LHFPL6: variants seen among roughly 807,000 people sequenced by gnomAD.
The protein encoded by LHFPL6 is LHFPL tetraspan subfamily member 6 protein.
Under a neutral mutation model 20.6 loss-of-function variants are expected in LHFPL6, and 9 were observed. The observed-to-expected ratio is 0.44, with a 90% CI of 0.26 to 0.76. LHFPL6 has a LOEUF of 0.76. LHFPL6 is among the 30% of genes least tolerant of loss of function. LHFPL6 has a pLI of 0.20. For synonymous variants in LHFPL6, 105 were observed against 98.7 expected (o/e 1.06, Z -0.38); for missense variants, 218 against 253.5 (o/e 0.86, Z 0.95).
intron 2 of LHFPL6, among the ~76,000 whole-genome samples, chr13:39,467,918 A>AC (rs1249010699): frequency 6.6e-6 from 1 of 152,000 alleles, no homozygotes; most frequent in East Asian, 1.9e-4. Flanking sequence ...CTTTCCCGTG[A>AC]TTTTTCCCCT....
intron 2 of LHFPL6, among the ~76,000 whole-genome samples, chr13:39,586,982 C>G (rs1466123038): frequency 6.6e-6 from 1 of 152,096 alleles, no homozygotes; most frequent in Non-Finnish European, 1.5e-5. Flanking sequence ...CATAGTGAAA[C>G]CCTGTCTCTC....
chr13:39,446,543 A>AT (rs1872295207), intron 2 of LHFPL6, among the ~76,000 whole-genome samples: 1 of 152,078 alleles, frequency 6.6e-6, no homozygotes, highest in African/African-American at 2.4e-5. Flanking sequence ...GAACTGGGCC[A>AT]GGGTAAACAA....
At chr13:39,444,608 T>G (rs1315491886) in intron 2 of LHFPL6, among the ~76,000 whole-genome samples, 1 of 152,130 alleles carries the variant, frequency 6.6e-6, no homozygotes, top group Admixed American at 6.5e-5. Context: ...TGGCCATGGT[T>G]CAAGTGAGCT....
At chr13:39,485,558 A>G (rs1457490910) in intron 2 of LHFPL6, among the ~76,000 whole-genome samples, 3 of 152,310 alleles carry the variant, frequency 2.0e-5, no homozygotes, top group Admixed American at 2.0e-4. Flanking sequence ...AGACTAGAGA[A>G]GAAAACAGAG....
chr13:39,430,282 G>T (rs1003939584), intron 2 of LHFPL6, among the ~76,000 whole-genome samples: 4 of 152,188 alleles, frequency 2.6e-5, no homozygotes, highest in African/African-American at 7.2e-5. Flanking sequence ...CTCACTCAAG[G>T]TCACAAGCTT....
chr13:39,504,490 G>C (rs1292256810), intron 2 of LHFPL6, among the ~76,000 whole-genome samples: 1 of 152,154 alleles, frequency 6.6e-6, no homozygotes, highest in Non-Finnish European at 1.5e-5. Flanking sequence ...CACAGTTCTG[G>C]AGGCTGGAAG....
At chr13:39,345,214 T>C (rs146026589) in intron 3 of LHFPL6, among the ~76,000 whole-genome samples, 1 of 152,248 alleles carries the variant, frequency 6.6e-6, no homozygotes, top group East Asian at 1.9e-4. Context: ...ATAAAGGCCA[T>C]AGATTGAAAA....
intron 2 of LHFPL6, among the ~76,000 whole-genome samples, chr13:39,503,598 T>C (rs1869369892): frequency 6.6e-6 from 1 of 152,240 alleles, no homozygotes; most frequent in African/African-American, 2.4e-5. Flanking sequence ...GTCAGTCTAA[T>C]GATGTATCCC....
intron 3 of LHFPL6, among the ~76,000 whole-genome samples, chr13:39,356,349 AAT>A (rs1397445735): frequency 1.3e-5 from 2 of 152,198 alleles, no homozygotes; most frequent in African/African-American, 4.8e-5. Context: ...AACATAACAA[AAT>A]ATCTGAGATG....
At chr13:39,505,535 C>T (rs1869447734) in intron 2 of LHFPL6, among the ~76,000 whole-genome samples, 1 of 150,868 alleles carries the variant, frequency 6.6e-6, no homozygotes, top group African/African-American at 2.4e-5. Context: ...CTGGCAGAAA[C>T]AGATTTGATT....
chr13:39,528,162 T>C lies in LHFPL6; in HGVS notation c.385+72670A>G, dbSNP rs372214240. ...CATGCCAGCTCAAACAGATGGAATCTCTGGCACATTCCTCACTCTGGATCT... is the reference window on the plus strand; with the variant it reads ...CATGCCAGCTCAAACAGATGGAATCCCTGGCACATTCCTCACTCTGGATCT... On this transcript the variant is annotated intron_variant, in intron 2 of 3. Coordinates refer to ENST00000379589, the MANE Select transcript of LHFPL6 (RefSeq NM_005780.3). Among the ~76,000 whole-genome samples the C allele has an allele frequency of 1.4e-4, 21 of 152,262 alleles. No homozygotes were observed. The South Asian group carries it at 4.3e-3, about 32-fold the overall frequency.
rs151176464 is a variant in LHFPL6 at position 39,362,946 on chromosome 13, G to C, written c.484+15482C>G. Among the ~76,000 whole-genome samples the C allele has an allele frequency of 3.3e-3, 498 of 152,314 alleles. 2 individuals carry two copies. The highest frequency in any genetic ancestry group is 5.7e-3 in the Non-Finnish European group (390 of 68,030). ...CTTCTCCAGCAGGAGCTGCCCAGAG[G>C]ATGAGGGAAACACATCGGGGCACAG... On this transcript the variant is annotated intron_variant, in intron 3 of 3. Coordinates refer to ENST00000379589, the MANE Select transcript of LHFPL6 (RefSeq NM_005780.3).
intron 2 of LHFPL6, among the ~76,000 whole-genome samples, chr13:39,407,159 G>T (rs555811727): frequency 6.6e-6 from 1 of 152,230 alleles, no homozygotes; most frequent in African/African-American, 2.4e-5. Flanking sequence ...ATTTATTTGA[G>T]TTTCATAGAT....
intron 2 of LHFPL6, among the ~76,000 whole-genome samples, chr13:39,397,365 T>C (rs964379823): frequency 6.6e-6 from 1 of 151,696 alleles, no homozygotes; most frequent in Non-Finnish European, 1.5e-5. Flanking sequence ...AGAAGGGAGG[T>C]CGATCCAGGA....
chr13:39,516,299 T>C (rs1869913643), intron 2 of LHFPL6, among the ~76,000 whole-genome samples: 1 of 152,234 alleles, frequency 6.6e-6, no homozygotes, highest in Non-Finnish European at 1.5e-5. Context: ...TTGCAGGCCA[T>C]CCTGCCTTCT....
chr13:39,573,437 TATAGA>T (rs1871998593), intron 2 of LHFPL6, among the ~76,000 whole-genome samples: 1 of 152,142 alleles, frequency 6.6e-6, no homozygotes, highest in African/African-American at 2.4e-5. Context: ...TTAATGAAAA[TATAGA>T]ATAAAGAAAA....
intron 2 of LHFPL6, among the ~76,000 whole-genome samples, chr13:39,552,273 T>C (rs1447392169): frequency 6.6e-6 from 1 of 152,196 alleles, no homozygotes; most frequent in African/African-American, 2.4e-5. Context: ...TCAGCATTAA[T>C]ATAAGGAGAA....
At chr13:39,460,893 T>C (rs144779449) in intron 2 of LHFPL6, among the ~76,000 whole-genome samples, 2 of 152,304 alleles carry the variant, frequency 1.3e-5, no homozygotes, top group African/African-American at 4.8e-5. Flanking sequence ...ATGGGTAAAT[T>C]ACGTGTCATG....
chr13:39,518,326 ACTT>A (rs1456669534), intron 2 of LHFPL6, among the ~76,000 whole-genome samples: 2 of 152,152 alleles, frequency 1.3e-5, no homozygotes, highest in African/African-American at 4.8e-5. Context: ...GTCTCAAACA[ACTT>A]CTTTTCTGGG....
Sources: allele counts gnomAD v4.1 joint callset (sites outside exome capture counted in the v4.1 genomes callset), GRCh38; gene constraint gnomAD v4.1.1; transcripts MANE v1.5; gene names NCBI Gene and HGNC (gene_info 2026-07-23, HGNC 2026-07-21).